The following PC variants were observed in gnomAD, a reference collection of about 807,000 sequenced individuals.
The protein encoded by PC is pyruvate carboxylase, mitochondrial.
Under a neutral mutation model 107.8 loss-of-function variants are expected in PC, and 46 were observed. The observed-to-expected ratio is 0.43, with a 90% confidence interval of 0.34 to 0.55. The LOEUF is 0.55. Ranked by LOEUF, PC falls within the 20% of genes least tolerant of loss-of-function variation. The probability of loss-of-function intolerance (pLI) is 0.04; values close to 1 mark genes in which losing one functional copy is unlikely to be tolerated. For missense variants in PC, 1,241 were observed against 1,643.1 expected (o/e 0.76, Z 4.23); for synonymous variants, 662 against 684.7 (o/e 0.97, Z 0.52).
intron 3 of PC, among the ~76,000 whole-genome samples, chr11:66,949,868 T>G (rs913104470): frequency 6.6e-6 from 1 of 152,094 alleles, no homozygotes; most frequent in African/African-American, 2.4e-5. Context: ...CTGAATAATC[T>G]TTGCATTACA....
intron 3 of PC, among the ~76,000 whole-genome samples, chr11:66,877,821 A>G (rs929393301): frequency 1.3e-5 from 2 of 152,224 alleles, no homozygotes; most frequent in African/African-American, 4.8e-5. Context: ...TTAATGGTAA[A>G]CAACATGATC....
intron 12 of PC, chr11:66,859,595 A>G: frequency 6.2e-7 from 1 of 1,610,468 alleles, no homozygotes; most frequent in Non-Finnish European, 8.5e-7. Flanking sequence ...GGATGGGGCT[A>G]GACCCCAGCC....
chr11:66,945,439 C>T (rs1949261395), intron 3 of PC, among the ~76,000 whole-genome samples: 1 of 99,812 alleles, frequency 1.0e-5, no homozygotes, highest in East Asian at 3.2e-4. Flanking sequence ...GTCGGAACTG[C>T]AGAGTTACAT....
chr11:66,940,884 C>T (rs1949112555), intron 3 of PC, among the ~76,000 whole-genome samples: 1 of 151,872 alleles, frequency 6.6e-6, no homozygotes, highest in African/African-American at 2.4e-5. Context: ...GTCAGGAGAT[C>T]GAGACCAGCC....
chr11:66,953,529 T>C (rs1232639355), intron 2 of PC, among the ~76,000 whole-genome samples: 1 of 152,172 alleles, frequency 6.6e-6, no homozygotes, highest in Non-Finnish European at 1.5e-5. Flanking sequence ...AAGCCACACC[T>C]ACCCTAGCCA....
intron 3 of PC, among the ~76,000 whole-genome samples, chr11:66,928,120 T>C (rs964301162): frequency 1.3e-5 from 2 of 151,942 alleles, no homozygotes; most frequent in African/African-American, 2.4e-5. Context: ...GGGTATGGTG[T>C]CTCACACCTG....
At chr11:66,907,617 C>G (rs1290912355) in intron 3 of PC, among the ~76,000 whole-genome samples, 1 of 152,194 alleles carries the variant, frequency 6.6e-6, no homozygotes, top group African/African-American at 2.4e-5. Context: ...CCAGAACAGT[C>G]CCCACAGCTC....
At chr11:66,932,149 T>C (rs1439773308) in intron 3 of PC, among the ~76,000 whole-genome samples, 1 of 152,082 alleles carries the variant, frequency 6.6e-6, no homozygotes, top group Non-Finnish European at 1.5e-5. Context: ...ACTGGGTTAC[T>C]GGGGAGAGAG....
intron 18 of PC, 60 bp from the exon 19 acceptor site, chr11:66,850,524 G>GGCTA (rs1340751393): frequency 3.3e-5 from 53 of 1,611,110 alleles, no homozygotes; most frequent in Non-Finnish European, 4.0e-5. Flanking sequence ...CAGGACCCAG[G>GGCTA]GCTAGCTCAG....
At chr11:66,863,171 G>A (rs541532329) in intron 12 of PC, among the ~76,000 whole-genome samples, 9 of 152,170 alleles carry the variant, frequency 5.9e-5, no homozygotes, top group South Asian at 4.2e-4. Context: ...ATAAAACCCC[G>A]TCTACTAAAA....
intron 12 of PC, among the ~76,000 whole-genome samples, chr11:66,856,173 G>A (rs912698183): frequency 6.6e-6 from 1 of 152,270 alleles, no homozygotes; most frequent in Non-Finnish European, 1.5e-5. Flanking sequence ...TTCTCTGAGA[G>A]GAGCTGGTTC....
chr11:66,849,977 C>T lies in PC; in HGVS notation c.2858G>A (p.Gly953Asp). 1 of 1,613,642 alleles carries T rather than the reference C, an allele frequency of 6.2e-7. No individual in the cohort carries two copies. The highest frequency in any genetic ancestry group is 8.5e-7 in the Non-Finnish European group (1 of 1,180,032). Reference protein sequence around the residue: ...SVVEFLQGYIGVPHGGFPEPF... With the variant: ...SVVEFLQGYIDVPHGGFPEPF... ...TTCGGGGAACCCCCCATGGGGGACA[C>T]CGATGTAGCCCTGCAGGAACTCCAC... is the stretch of plus-strand genomic sequence containing the variant. Residue 953 changes from glycine to aspartate, a missense_variant, in exon 20 of 23, where the codon GGT (glycine) becomes GAT (aspartate). Transcript: ENST00000393960.
At chr11:66,934,058 C>T (rs550593054) in intron 3 of PC, among the ~76,000 whole-genome samples, 15 of 152,312 alleles carry the variant, frequency 9.8e-5, no homozygotes, top group Non-Finnish European at 1.8e-4. Context: ...CCTTCCTCCA[C>T]GCCAGCGAGG....
At chr11:66,924,058 C>T (rs1244002950) in intron 3 of PC, among the ~76,000 whole-genome samples, 3 of 151,494 alleles carry the variant, frequency 2.0e-5, no homozygotes, top group African/African-American at 7.3e-5. Context: ...AAAAATTAGC[C>T]AGGTGTGGTG....
Position 66,944,527 on chromosome 11 carries a change from C to T in PC, c.-1+7903G>A, listed in dbSNP as rs1435437921. On this transcript the variant is annotated intron_variant, in intron 3 of 22. Transcript: ENST00000393960. Reference sequence around the variant, plus strand: ...CTGGGAGGCAGGGGTTGCAGTGAGCCGAGATTGCACCACTGCATCCATCCT... The same window carrying T: ...CTGGGAGGCAGGGGTTGCAGTGAGCTGAGATTGCACCACTGCATCCATCCT... Among the ~76,000 whole-genome samples, 6 of 114,582 alleles carry T rather than the reference C, an allele frequency of 5.2e-5. 2 individuals carry two copies. The highest frequency in any genetic ancestry group is 5.0e-4 in the South Asian group (2 of 4,012). 75.2% of individuals were successfully genotyped at this position (114,582 alleles called of 152,430 possible).
chr11:66,851,368 C>T (rs1945479426), intron 16 of PC, 88 bp from the exon 17 acceptor site: 1 of 1,569,900 alleles, frequency 6.4e-7, no homozygotes, highest in East Asian at 2.3e-5. Flanking sequence ...CACTCTATGG[C>T]CCCTGGGGAA....
intron 3 of PC, among the ~76,000 whole-genome samples, chr11:66,921,960 G>A (rs1262169009): frequency 3.9e-5 from 6 of 152,310 alleles, no homozygotes; most frequent in Non-Finnish European, 7.3e-5. Flanking sequence ...GCTGCCCACT[G>A]TGACATCACT....
intron 3 of PC, among the ~76,000 whole-genome samples, chr11:66,921,501 T>A (rs937992388): frequency 5.3e-5 from 8 of 151,876 alleles, no homozygotes; most frequent in African/African-American, 1.9e-4. Context: ...AGCACAGAAA[T>A]GACAAAGCAA....
chr11:66,936,125 G>A (rs912408675), intron 3 of PC, among the ~76,000 whole-genome samples: 2 of 150,782 alleles, frequency 1.3e-5, no homozygotes, highest in African/African-American at 2.4e-5. Flanking sequence ...GCACATGCCT[G>A]TAGTCTCAGC....
Sources: allele counts gnomAD v4.1 joint callset (sites outside exome capture counted in the v4.1 genomes callset), GRCh38; gene constraint gnomAD v4.1.1; transcripts MANE v1.5; gene names NCBI Gene and HGNC (gene_info 2026-07-23, HGNC 2026-07-21).